SERPINB8: variants seen among roughly 807,000 people sequenced by gnomAD.
SERPINB8 encodes serpin B8.
In SERPINB8, 25 loss-of-function variants were observed where a neutral mutation model predicts 35.3. That is an observed-to-expected ratio of 0.71 (90% CI 0.52 to 0.99). The LOEUF (loss-of-function observed/expected upper bound fraction) is 0.99. Ranked by LOEUF, SERPINB8 falls within the 50% of genes least tolerant of loss-of-function variation. The pLI, the probability that SERPINB8 is intolerant of heterozygous loss-of-function variation, is 0.00. For missense variants in SERPINB8, 484 were observed against 446.5 expected (o/e 1.08, Z -0.76); for synonymous variants, 186 against 160.8 (o/e 1.16, Z -1.19).
chr18:64,019,211 C>A (rs1006816965), exon 8 of SERPINB8: 5 of 152,340 alleles, frequency 3.3e-5, no homozygotes, highest in African/African-American at 9.7e-5. Flanking sequence ...CTGAACAGCA[C>A]CATCATCCAG....
At chr18:64,010,937 C>T (rs1233468691) in intron 7 of SERPINB8, among the ~76,000 whole-genome samples, 1 of 128,590 alleles carries the variant, frequency 7.8e-6, no homozygotes, top group East Asian at 2.3e-4. Context: ...ATTCAACTTA[C>T]TATTAACATA....
rs978410181 is a variant in SERPINB8, at chr18:63,988,976, A to G, written c.*1698A>G. On this transcript the variant is annotated 3_prime_UTR_variant, in exon 7 of 7. Transcript: ENST00000397985. ...TCGCTATATTCAAGATAATGAACCT[A>G]TCTATCATACTCCCAAATTCCTTCT... is the stretch of plus-strand genomic sequence containing the variant. 13 of 152,210 alleles carry G rather than the reference A, an allele frequency of 8.5e-5. No homozygotes were observed. Among genetic ancestry groups the G allele is most frequent in the African/African-American group, 2.2e-4 (9 of 41,456 alleles). The allele number at this position is 152,210 out of a possible 1,614,324, so 9.4% of individuals were successfully genotyped here. A position where few individuals can be genotyped will look rare whatever the true frequency, so the allele number is the denominator to read the frequency against.
At chr18:64,009,230 A>G (rs1434932240), downstream of SERPINB8, among the ~76,000 whole-genome samples, 1 of 152,224 alleles carries the variant, frequency 6.6e-6, no homozygotes, top group African/African-American at 2.4e-5. Context: ...CATGTCATTC[A>G]TAGAAAGACC....
chr18:63,974,636 C>T (rs2050551932), intron 1 of SERPINB8, among the ~76,000 whole-genome samples: 2 of 152,176 alleles, frequency 1.3e-5, no homozygotes. Flanking sequence ...CTAATTGTGG[C>T]ATTGGCACCT....
In SERPINB8 at chr18:63,987,078, C is replaced by T. The variant is rs749434370; in HGVS notation, c.925C>T (p.Pro309Ser). The T allele has an allele frequency of 1.1e-5, 18 of 1,614,192 alleles. No homozygotes were observed. In the Middle Eastern group the frequency reaches 2.1e-3, roughly 192 times the overall value. The change falls in exon 7 of 7, where the codon CCT becomes TCT. Residue 309 changes from proline to serine, a missense_variant. Physicochemically the swap from Pro to Ser is moderately conservative, Grantham distance 74. Coordinates refer to ENST00000397985, the MANE Select transcript of SERPINB8 (RefSeq NM_002640.4). ...TGGAATGTCAACTGAGAAGAATGTG[C>T]CTCTGTCCAAGGTTGCCCACAAGTG... ...FSGMSTEKNV[P>S]LSKVAHKCFV...
chr18:63,993,945 A>T (rs1282317411), downstream of SERPINB8, among the ~76,000 whole-genome samples: 1 of 152,128 alleles, frequency 6.6e-6, no homozygotes, highest in African/African-American at 2.4e-5. Flanking sequence ...TCGCTGAGAC[A>T]CTGTTCAGGA....
chr18:63,981,590 C>T, intron 3 of SERPINB8, 131 bp from the exon 4 acceptor site: 1 of 669,202 alleles, frequency 1.5e-6, no homozygotes, highest in Non-Finnish European at 2.6e-6. Context: ...TAATTGCACG[C>T]ATGCACCTTG....
At chr18:63,992,812 T>C (rs934625010), downstream of SERPINB8, among the ~76,000 whole-genome samples, 2 of 152,170 alleles carry the variant, frequency 1.3e-5, no homozygotes, top group Admixed American at 6.5e-5. Context: ...CAGTCCTCCG[T>C]ATTTATTAGG....
intron 2 of SERPINB8, 55 bp downstream of exon 2, chr18:63,978,531 T>C: frequency 6.3e-7 from 1 of 1,588,444 alleles, no homozygotes; most frequent in Non-Finnish European, 8.6e-7. Context: ...TGTGCTTCCA[T>C]ACAGCTGTCT....
At chr18:64,008,591 C>A (rs980367441), downstream of SERPINB8, among the ~76,000 whole-genome samples, 1 of 151,666 alleles carries the variant, frequency 6.6e-6, no homozygotes, top group African/African-American at 2.4e-5. Flanking sequence ...TTGGCCAGAA[C>A]AATATACAAA....
In SERPINB8 at chr18:63,979,740, G is replaced by A. The variant is rs1478565156; in HGVS notation, c.169-61G>A. ...TTTTTAGTACAGAGGTTTGTTTGGA[G>A]AAAGCTCTTTGGGAGAGTATAATGG... On this transcript the variant is annotated intron_variant, in intron 2 of 6. Transcript: ENST00000397985. The A allele has an allele frequency of 2.5e-6, 4 of 1,597,370 alleles. No homozygotes were observed. In the East Asian group the frequency reaches 9.0e-5, roughly 36 times the overall value.
At chr18:64,006,682 CTCTATGTCTTGA>C (rs1190824390), downstream of SERPINB8, among the ~76,000 whole-genome samples, 3 of 152,148 alleles carry the variant, frequency 2.0e-5, no homozygotes, top group Admixed American at 1.3e-4. Context: ...TCTGGAAATA[CTCTATGTCTTGA>C]TCTGGTGATA....
intron 1 of SERPINB8, among the ~76,000 whole-genome samples, chr18:63,972,537 T>C (rs967051487): frequency 6.6e-6 from 1 of 152,096 alleles, no homozygotes; most frequent in Non-Finnish European, 1.5e-5. Flanking sequence ...GTGCACAATA[T>C]GCAAGTTTGA....
chr18:63,990,077 T>G (rs1482796990), downstream of SERPINB8, among the ~76,000 whole-genome samples: 3 of 148,868 alleles, frequency 2.0e-5, no homozygotes, highest in Non-Finnish European at 3.0e-5. Context: ...TCGTGTTTTT[T>G]TTTTTTTTTT....
At chr18:63,974,618 A>G (rs1393127960) in intron 1 of SERPINB8, among the ~76,000 whole-genome samples, 1 of 152,262 alleles carries the variant, frequency 6.6e-6, no homozygotes, top group Non-Finnish European at 1.5e-5. Flanking sequence ...GTGTTTTTAT[A>G]ACACAATCTA....
intron 1 of SERPINB8, among the ~76,000 whole-genome samples, chr18:63,994,384 A>G (rs1399704183): frequency 6.6e-6 from 1 of 151,974 alleles, no homozygotes; most frequent in Non-Finnish European, 1.5e-5. Context: ...TGAGTGGTCA[A>G]TTAAGCACAA....
At chr18:63,970,715 G>A (rs2050459301) in intron 1 of SERPINB8, 2 of 152,410 alleles carry the variant, frequency 1.3e-5, no homozygotes, top group South Asian at 4.1e-4. Flanking sequence ...CCGAGTCCCT[G>A]CTCCCCTGGC....
At chr18:63,985,317 A>G (rs1871788588) in intron 6 of SERPINB8, 72 bp downstream of exon 6, 6 of 1,548,102 alleles carry the variant, frequency 3.9e-6, no homozygotes, top group South Asian at 3.5e-5. Flanking sequence ...TCATCTACCA[A>G]TTGGCATTTG....
intron 4 of SERPINB8, 36 bp from the exon 5 acceptor site, chr18:63,983,543 C>G: frequency 1.2e-6 from 2 of 1,602,296 alleles, no homozygotes; most frequent in Non-Finnish European, 1.7e-6. Flanking sequence ...TGCTTATTTC[C>G]CCACAAATTG....
Sources: gnomAD v4.1 joint callset for allele counts (sites outside exome capture counted in the v4.1 genomes callset) on GRCh38, gnomAD v4.1.1 for gene constraint, MANE v1.5 for transcripts, NCBI Gene and HGNC (gene_info 2026-07-23, HGNC 2026-07-21) for gene names.